Variants in CCDC146 observed in about 807,000 individuals in gnomAD.
The protein encoded by CCDC146 is coiled-coil domain-containing protein 146.
A neutral mutation model predicts 119.3 loss-of-function variants in CCDC146; 92 were observed. The observed-to-expected ratio is 0.77, with a 90% CI of 0.65 to 0.92. The LOEUF is 0.92. Among genes scored for constraint, CCDC146 ranks in the 40% least tolerant of loss-of-function variants. CCDC146 has a pLI of 0.00. For synonymous variants in CCDC146, 372 were observed against 371.8 expected, an observed-to-expected ratio of 1.00 and a Z score of -0.01; for missense variants, 1,000 against 1,103.0, an observed-to-expected ratio of 0.91 and a Z score of 1.32.
At chr7:77,266,471 T>C (rs986686134) in intron 9 of CCDC146, among the ~76,000 whole-genome samples, 5 of 152,200 alleles carry the variant, frequency 3.3e-5, no homozygotes, top group African/African-American at 9.6e-5. Context: ...TGAATTGGGA[T>C]TATTGCAAAA....
In CCDC146 at chr7:77,163,210, G is replaced by A. The variant is rs570551712; in HGVS notation, c.-11-4448G>A. ...TGCCTGTAATCCCAGCACTTTGGGA[G>A]GCCAAGACAGGTGGATCACCTGAGG... On this transcript the variant is annotated intron_variant, in intron 1 of 18. Transcript: ENST00000285871. Among the ~76,000 whole-genome samples, 81 of 152,278 alleles carry A rather than the reference G, an allele frequency of 5.3e-4. 2 individuals are homozygous for A. Among genetic ancestry groups the A allele is most frequent in the South Asian group, 8.3e-4 (4 of 4,830 alleles).
intron 2 of CCDC146, among the ~76,000 whole-genome samples, chr7:77,186,813 A>G (rs554406932): frequency 6.6e-6 from 1 of 152,300 alleles, no homozygotes; most frequent in Admixed American, 6.5e-5. Context: ...TTTATAGACA[A>G]AAAAGATAAA....
At chr7:77,273,073 T>A (rs1793557114) in intron 9 of CCDC146, among the ~76,000 whole-genome samples, 1 of 152,230 alleles carries the variant, frequency 6.6e-6, no homozygotes, top group Admixed American at 6.5e-5. Context: ...TCCAAAGTGC[T>A]GGGTCATGAG....
chr7:77,247,977 C>T (rs954563900), intron 4 of CCDC146, among the ~76,000 whole-genome samples: 8 of 152,198 alleles, frequency 5.3e-5, no homozygotes, highest in South Asian at 4.1e-4. Flanking sequence ...AAGATACCTG[C>T]GCTCATATGT....
intron 2 of CCDC146, among the ~76,000 whole-genome samples, chr7:77,212,903 A>G (rs1164595637): frequency 6.7e-6 from 1 of 150,196 alleles, no homozygotes; most frequent in Non-Finnish European, 1.5e-5. Flanking sequence ...TATTTCCATT[A>G]TAATCATAGA....
chr7:77,138,444 A>G (rs980983919), intron 1 of CCDC146, among the ~76,000 whole-genome samples: 3 of 152,140 alleles, frequency 2.0e-5, no homozygotes, highest in Non-Finnish European at 4.4e-5. Flanking sequence ...AGAAGATAAC[A>G]TAGAAAACCT....
Position 77,278,945 on chromosome 7 carries a change from AGT to A in CCDC146, c.1539_1540del (p.Glu513AspfsTer3). 6.2e-7 allele frequency: 1 copy of A among 1,608,462 alleles called. No homozygotes were observed. Among genetic ancestry groups the A allele is most frequent in the Non-Finnish European group, 8.5e-7 (1 of 1,178,554 alleles). On this transcript the variant is annotated frameshift_variant, in exon 13 of 19. Coordinates refer to ENST00000285871, the MANE Select transcript of CCDC146 (RefSeq NM_020879.3). LOFTEE classifies it high-confidence loss of function. ...ACTTTGTATTTTTACAGACTGAGAG[AGT>A]TTGCTAAACTGTATGACACCATTCG...
chr7:77,199,483 T>C, intron 2 of CCDC146: 1 of 1,614,150 alleles, frequency 6.2e-7, no homozygotes. Context: ...TCCGTTGTCA[T>C]CAGCCTGCAG....
Position 77,241,640 on chromosome 7 carries a change from C to T in CCDC146, c.240-51C>T, listed in dbSNP as rs572401328. ...CTCACTAGACCCCCACAGGAGCCAC[C>T]GAGGATGTACATGTCTCATTATGTG... On this transcript the variant is annotated intron_variant, in intron 3 of 18. Transcript: ENST00000285871. 83 of 1,524,450 alleles carry T rather than the reference C, an allele frequency of 5.4e-5. No homozygotes were observed. In the South Asian group the frequency reaches 6.6e-4, roughly 12 times the overall value. 94.4% of individuals were successfully genotyped at this position (1,524,450 alleles called of 1,614,324 possible). A position where few individuals can be genotyped will look rare whatever the true frequency, so the allele number is the denominator to read the frequency against.
At chr7:77,147,973 G>A (rs1339530381) in intron 1 of CCDC146, among the ~76,000 whole-genome samples, 1 of 152,346 alleles carries the variant, frequency 6.6e-6, no homozygotes, top group African/African-American at 2.4e-5. Flanking sequence ...AGAGGTTTCT[G>A]CTGCCTTTTG....
chr7:77,173,891 C>A (rs1455211400), intron 2 of CCDC146, among the ~76,000 whole-genome samples: 1 of 152,180 alleles, frequency 6.6e-6, no homozygotes, highest in Non-Finnish European at 1.5e-5. Flanking sequence ...TTATGTATGC[C>A]TATAACCAAC....
chr7:77,263,156 C>T (rs987484303), intron 9 of CCDC146, among the ~76,000 whole-genome samples: 39 of 152,326 alleles, frequency 2.6e-4, no homozygotes, highest in African/African-American at 8.9e-4. Flanking sequence ...GCCTAGTTCT[C>T]CTCTCCTCCT....
At chr7:77,258,690 C>T (rs1450233252) in intron 6 of CCDC146, among the ~76,000 whole-genome samples, 1 of 152,172 alleles carries the variant, frequency 6.6e-6, no homozygotes, top group Middle Eastern at 3.2e-3. Flanking sequence ...GTAGTTTCAA[C>T]TTACAACGGG....
chr7:77,147,328 T>C (rs1317760594), intron 1 of CCDC146, among the ~76,000 whole-genome samples: 4 of 152,156 alleles, frequency 2.6e-5, no homozygotes, highest in Non-Finnish European at 5.9e-5. Context: ...TTTTTCAAGG[T>C]TTTTAACTTC....
chr7:77,146,315 CAT>C, intron 1 of CCDC146, among the ~76,000 whole-genome samples: 2 of 152,218 alleles, frequency 1.3e-5, no homozygotes, highest in East Asian at 3.9e-4. Flanking sequence ...TGTCTCTGCA[CAT>C]GAGATGGGTC....
In CCDC146 at chr7:77,260,159, C is replaced by G; in HGVS notation, c.909C>G (p.Ile303Met). 6.2e-7 allele frequency: 1 copy of G among 1,614,014 alleles called. No individual in the cohort carries two copies. The highest frequency in any genetic ancestry group is 1.3e-5 in the African/African-American group (1 of 75,002). The change falls in exon 8 of 19, where the codon ATC (isoleucine) becomes ATG (methionine). Residue 303 changes from isoleucine to methionine, a missense_variant. Around this residue, in one of 2 missense-constraint regions of CCDC146, gnomAD observed 985 missense variants for 1,045.3 expected, o/e 0.94. Transcript: ENST00000285871. ...EVEGKRALLEIKEREHNQLVK... is the reference protein window; with the variant it reads ...EVEGKRALLEMKEREHNQLVK... ...AAGGCAAACGAGCCTTACTTGAAAT[C>G]AAAGAACGAGAACATAACCAATTGG...
Position 77,196,472 on chromosome 7 carries a change from C to A in CCDC146, c.156+28648C>A. 6.2e-7 allele frequency: 1 copy of A among 1,614,190 alleles called. No homozygotes were observed. The highest frequency in any genetic ancestry group is 8.5e-7 in the Non-Finnish European group (1 of 1,180,024). Reference sequence around the variant, plus strand: ...ACATGCATCAAACCACCAGCCTGAACTGTAGTACAGCCCACAGTTCCCAGA... The same window carrying A: ...ACATGCATCAAACCACCAGCCTGAAATGTAGTACAGCCCACAGTTCCCAGA... On this transcript the variant is annotated intron_variant, in intron 2 of 18. Coordinates refer to ENST00000285871, the MANE Select transcript of CCDC146 (RefSeq NM_020879.3). The surrounding 1 kb of genome is among the most constrained non-coding windows in gnomAD (Gnocchi z 4.2).
In CCDC146 at chr7:77,223,129, A is replaced by G. The variant is rs376768737; in HGVS notation, c.157-13818A>G. 1.6e-4 allele frequency among the ~76,000 whole-genome samples: 24 copies of G among 152,260 alleles called. 1 individual carries two copies. The highest frequency in any genetic ancestry group is 9.2e-4 in the Admixed American group (14 of 15,294). ...GCCTCTCGGGCTCACAGCCACTCCA[A>G]CCTGCTACCATCTCCCCCCAGGATC... On this transcript the variant is annotated intron_variant, in intron 2 of 18. Transcript: ENST00000285871.
chr7:77,250,177 A>G (rs1460494382), intron 4 of CCDC146, among the ~76,000 whole-genome samples: 2 of 152,234 alleles, frequency 1.3e-5, no homozygotes, highest in Non-Finnish European at 2.9e-5. Context: ...TGCATATGTA[A>G]TTGAATACAT....
Sources: allele counts gnomAD v4.1 joint callset (sites outside exome capture counted in the v4.1 genomes callset), GRCh38; gene constraint gnomAD v4.1.1; regional missense constraint gnomAD v4.1.1; non-coding constraint Gnocchi (gnomAD v3.1); transcripts MANE v1.5; gene names NCBI Gene and HGNC (gene_info 2026-07-23, HGNC 2026-07-21).